The following OOSP1 variants were observed in gnomAD, a reference collection of about 807,000 sequenced individuals.
The protein encoded by OOSP1 is oocyte secreted protein 1, also known as putative oocyte-secreted protein 1 homolog.
In OOSP1, 11 loss-of-function variants were observed where a neutral mutation model predicts 5.7. The ratio of observed to expected loss-of-function variants is 1.94; its 90% confidence interval spans 1.22 to 3.20. OOSP1 has a LOEUF of 3.20. OOSP1 is among the 30% of genes most tolerant of loss of function. OOSP1 has a pLI of 0.00. For missense variants in OOSP1, 83 were observed against 54.1 expected, an observed-to-expected ratio of 1.53 and a Z score of -1.67; for synonymous variants, 44 against 20.0, an observed-to-expected ratio of 2.20 and a Z score of -3.20.
At chr11:59,944,127 G>C (rs1201534723) in intron 2 of OOSP1, among the ~76,000 whole-genome samples, 1 of 152,176 alleles carries the variant, frequency 6.6e-6, no homozygotes, top group East Asian at 1.9e-4. Flanking sequence ...TTCCTGCTGG[G>C]TAGGTGATCA....
intron 3 of OOSP1, among the ~76,000 whole-genome samples, chr11:59,946,439 T>C (rs1035786082): frequency 7.9e-5 from 12 of 152,304 alleles, no homozygotes; most frequent in East Asian, 3.9e-4. Context: ...ATCTCCAATA[T>C]TGGGGATTAC....
At chr11:59,943,063 T>C (rs951665213) in intron 2 of OOSP1, 35 bp downstream of exon 2, 34 of 699,394 alleles carry the variant, frequency 4.9e-5, no homozygotes, top group Non-Finnish European at 8.4e-5. Context: ...AACCCAAGTG[T>C]CCAGGTGTGT....
At chr11:59,954,389 C>T (rs1853971128) in intron 4 of OOSP1, among the ~76,000 whole-genome samples, 1 of 151,320 alleles carries the variant, frequency 6.6e-6, no homozygotes, top group Non-Finnish European at 1.5e-5. Flanking sequence ...TTTTTTTTAC[C>T]AAAATAGGTA....
rs1248336887 is a variant in OOSP1, at chr11:59,945,175, C to T, written c.265C>T (p.Gln89Ter). Residue 89 changes from glutamine (Q) to a stop codon, truncating the protein, a stop_gained, in exon 3 of 5, where the codon CAG becomes TAG. Transcript: ENST00000646685. LOFTEE classifies it high-confidence loss of function. ...ACCTCTCTTTGTCTTGTAGCCTCTC[C>T]AGGAAGTTCTTCTGCTTAAAACTAA... 1 of 702,872 alleles carries T rather than the reference C, an allele frequency of 1.4e-6. No individual in the cohort carries two copies. Among genetic ancestry groups the T allele is most frequent in the Admixed American group, 2.0e-5 (1 of 50,016 alleles). 43.5% of individuals were successfully genotyped at this position (702,872 alleles called of 1,614,324 possible).
intron 3 of OOSP1, 134 bp downstream of exon 3, chr11:59,945,400 A>G: frequency 1.4e-6 from 1 of 695,172 alleles, no homozygotes; most frequent in Non-Finnish European, 2.6e-6. Context: ...TAATGGGAAC[A>G]CAGATCTCTT....
intron 2 of OOSP1, 24 bp downstream of exon 2, chr11:59,943,052 A>C (rs1167410971): frequency 1.4e-6 from 1 of 701,698 alleles, no homozygotes; most frequent in Admixed American, 2.0e-5. Flanking sequence ...ATCTTACTTA[A>C]AACCCAAGTG....
At position 59,951,452 on chromosome 11, in the gene OOSP1, C is replaced by T. The variant is rs145770820; in HGVS notation, c.486+3590C>T. Reference sequence around the variant, plus strand: ...AGCATTAGAAGGTGTGCATATACAGCGCCTGAATTCATTGCGAGCTATAAA... The same window carrying T: ...AGCATTAGAAGGTGTGCATATACAGTGCCTGAATTCATTGCGAGCTATAAA... On this transcript the variant is annotated intron_variant, in intron 4 of 4. Coordinates refer to ENST00000646685, the Ensembl canonical transcript of OOSP1. Among the ~76,000 whole-genome samples the T allele has an allele frequency of 9.4e-3, 1,422 of 152,082 alleles. 26 individuals carry two copies. The highest frequency in any genetic ancestry group is 0.032 in the African/African-American group (1,335 of 41,478).
intron 4 of OOSP1, among the ~76,000 whole-genome samples, chr11:59,948,290 A>G (rs1329008232): frequency 6.6e-6 from 1 of 152,186 alleles, no homozygotes; most frequent in African/African-American, 2.4e-5. Flanking sequence ...TTTTCCCAGG[A>G]AGTACCAAAT....
intron 2 of OOSP1, among the ~76,000 whole-genome samples, chr11:59,944,483 G>A (rs949157936): frequency 3.9e-5 from 6 of 151,912 alleles, no homozygotes; most frequent in African/African-American, 1.5e-4. Context: ...ATCTGAGACG[G>A]GAACATTTAA....
chr11:59,942,621 T>C (rs573502463), intron 1 of OOSP1, among the ~76,000 whole-genome samples: 1 of 152,276 alleles, frequency 6.6e-6, no homozygotes, highest in South Asian at 2.1e-4. Context: ...CCCCCCTATA[T>C]ATAGATTCAC....
At chr11:59,939,378 A>C (rs1420874927) in intron 1 of OOSP1, among the ~76,000 whole-genome samples, 2 of 151,724 alleles carry the variant, frequency 1.3e-5, no homozygotes, top group Non-Finnish European at 2.9e-5. Flanking sequence ...CAGCCTCCCA[A>C]GTAGCTGGCA....
At chr11:59,951,086 CA>C (rs1277828298) in intron 4 of OOSP1, among the ~76,000 whole-genome samples, 2 of 151,382 alleles carry the variant, frequency 1.3e-5, no homozygotes, top group African/African-American at 2.4e-5. Flanking sequence ...TATCAAATTG[CA>C]AAAAAATCCA....
chr11:59,948,549 ACTTT>A (rs1853910081), intron 4 of OOSP1, among the ~76,000 whole-genome samples: 2 of 152,198 alleles, frequency 1.3e-5, no homozygotes, highest in African/African-American at 4.8e-5. Flanking sequence ...TAGAACATAT[ACTTT>A]CTTTCTTCTC....
At chr11:59,952,674 C>G (rs1296255550) in intron 4 of OOSP1, among the ~76,000 whole-genome samples, 3 of 152,092 alleles carry the variant, frequency 2.0e-5, no homozygotes, top group Non-Finnish European at 4.4e-5. Context: ...TAAAACATGA[C>G]ATGTTAGGTA....
chr11:59,956,376 C>T (rs1853994182), intron 4 of OOSP1, among the ~76,000 whole-genome samples: 1 of 152,104 alleles, frequency 6.6e-6, no homozygotes, highest in East Asian at 1.9e-4. Flanking sequence ...TGTTTCCCTC[C>T]CATCTTCTTT....
chr11:59,953,861 T>C (rs538960530), intron 4 of OOSP1, among the ~76,000 whole-genome samples: 1 of 152,324 alleles, frequency 6.6e-6, no homozygotes, highest in African/African-American at 2.4e-5. Context: ...AGGATAGGGA[T>C]TGGCAAACTT....
intron 4 of OOSP1, among the ~76,000 whole-genome samples, chr11:59,955,248 A>C (rs761248216): frequency 6.6e-6 from 1 of 152,152 alleles, no homozygotes; most frequent in Non-Finnish European, 1.5e-5. Context: ...TCAACCATGA[A>C]CTATCTTTTT....
chr11:59,957,259 G>A (rs942275768), exon 5 of OOSP1: 6 of 397,796 alleles, frequency 1.5e-5, no homozygotes, highest in African/African-American at 6.2e-5. Context: ...TTACCAAGGC[G>A]ATGACTCATG....
intron 1 of OOSP1, among the ~76,000 whole-genome samples, chr11:59,942,021 G>A (rs551130764): frequency 2.0e-5 from 3 of 152,226 alleles, no homozygotes; most frequent in Admixed American, 1.3e-4. Context: ...TTCTGTGAAA[G>A]GATTGCAGAT....
Sources: gnomAD v4.1 joint callset for allele counts (sites outside exome capture counted in the v4.1 genomes callset) on GRCh38, gnomAD v4.1.1 for gene constraint, MANE v1.5 for transcripts, NCBI Gene and HGNC (gene_info 2026-07-23, HGNC 2026-07-21) for gene names.